The following RBM19 variants were observed in gnomAD, a reference collection of about 807,000 sequenced individuals.
The protein encoded by RBM19 is probable RNA-binding protein 19.
A neutral mutation model predicts 116.8 loss-of-function variants in RBM19; 94 were observed. The ratio of observed to expected loss-of-function variants is 0.80; its 90% CI spans 0.68 to 0.95. RBM19 has a LOEUF of 0.95. Among genes scored for constraint, RBM19 ranks in the 40% least tolerant of loss-of-function variants. The pLI, the probability that RBM19 is intolerant of heterozygous loss-of-function variation, is 0.00. For synonymous variants in RBM19, 475 were observed against 494.1 expected, an observed-to-expected ratio of 0.96 and a Z score of 0.51; for missense variants, 1,161 against 1,220.7, an observed-to-expected ratio of 0.95 and a Z score of 0.73.
intron 21 of RBM19, among the ~76,000 whole-genome samples, chr12:113,900,833 G>A (rs1881640179): frequency 1.3e-5 from 2 of 152,178 alleles, no homozygotes; most frequent in South Asian, 2.1e-4. Flanking sequence ...GATCAAAAAG[G>A]AGAAGAGTCT....
chr12:113,939,366 C>T (rs1593618859), intron 15 of RBM19, among the ~76,000 whole-genome samples: 1 of 152,010 alleles, frequency 6.6e-6, no homozygotes, highest in African/African-American at 2.4e-5. Flanking sequence ...AATTAAAATG[C>T]TAATCCAAAT....
rs60682294 is a variant in RBM19, at chr12:113,872,199, C to T, written c.2559-13303G>A. On this transcript the variant is annotated intron_variant, in intron 21 of 23. Transcript: ENST00000261741. ...GCCGCCCCATCTGGGATGTGAGGAG[C>T]GCCTCTGCCCGGCCGAGACCCTGTC... 4.3e-3 allele frequency among the ~76,000 whole-genome samples: 629 copies of T among 144,624 alleles called. 7 individuals are homozygous for T. The highest frequency in any genetic ancestry group is 0.014 in the African/African-American group (571 of 39,580). The allele number at this position is 144,624 out of a possible 152,430, so 94.9% of individuals were successfully genotyped here.
chr12:113,947,079 T>G (rs1871089217), intron 11 of RBM19, among the ~76,000 whole-genome samples: 2 of 152,218 alleles, frequency 1.3e-5, no homozygotes, highest in South Asian at 4.1e-4. Context: ...AGGAGTATTT[T>G]TTCAGTGCCT....
Position 113,920,490 on chromosome 12 carries a change from G to A in RBM19, c.2385+121C>T, listed in dbSNP as rs2135864492. 1.4e-5 allele frequency: 13 copies of A among 911,720 alleles called. No homozygotes were observed. The South Asian group carries it at 1.9e-4, about 13-fold the overall frequency. The allele number at this position is 911,720 out of a possible 1,614,324, so 56.5% of individuals were successfully genotyped here. ...ACAGTCCCGTAGAGATCTGGGAAAA[G>A]CAATGGGCCCGGTCAAGTGTAGACT... On this transcript the variant is annotated intron_variant, in intron 19 of 23. Transcript: ENST00000261741.
In RBM19 at chr12:113,846,015, C is replaced by T. The variant is rs544611382; in HGVS notation, c.2665-1227G>A. Among the ~76,000 whole-genome samples, 12 of 152,350 alleles carry T rather than the reference C, an allele frequency of 7.9e-5. No individual in the cohort carries two copies. The South Asian group carries it at 2.5e-3, about 32-fold the overall frequency. On this transcript the variant is annotated intron_variant, in intron 22 of 23. Transcript: ENST00000261741. ...TTAACAGCGTCTAGAACAGTATGGG[C>T]ACACCATAATTACTCAATAGATGCT...
rs748188472 is a variant in RBM19 at position 113,966,176 on chromosome 12, C to A, written c.36+16G>T. The A allele has an allele frequency of 6.2e-7, 1 of 1,614,258 alleles. No individual in the cohort carries two copies. ...TGGTCTCATTTCAGATTCCCAAGTC[C>A]TGCCTCTGCACTCACCCCATTCGGG... On this transcript the variant is annotated intron_variant, in intron 1 of 23. Transcript: ENST00000261741.
At chr12:113,906,296 A>G (rs565427481) in intron 21 of RBM19, among the ~76,000 whole-genome samples, 35 of 152,396 alleles carry the variant, frequency 2.3e-4, no homozygotes, top group African/African-American at 8.4e-4. Flanking sequence ...TGAATGGATT[A>G]CAACTGCAAC....
At position 113,823,148 on chromosome 12, in the gene RBM19, T is replaced by C; in HGVS notation, c.*76A>G. 9.6e-7 allele frequency: 1 copy of C among 1,044,914 alleles called. No homozygotes were observed. Among genetic ancestry groups the C allele is most frequent in the Admixed American group, 2.0e-5 (1 of 50,390 alleles). 64.7% of individuals were successfully genotyped at this position (1,044,914 alleles called of 1,614,324 possible). On this transcript the variant is annotated 3_prime_UTR_variant, in exon 24 of 24. Transcript: ENST00000261741. Reference sequence around the variant, plus strand: ...TCCCCGCCCCGCCCCCCAGCCCACATGGTGGTGAGTGCAGAAGCTGGAGCG... The same window carrying C: ...TCCCCGCCCCGCCCCCCAGCCCACACGGTGGTGAGTGCAGAAGCTGGAGCG...
At chr12:113,889,037 A>G (rs1300237009) in intron 21 of RBM19, among the ~76,000 whole-genome samples, 3 of 152,208 alleles carry the variant, frequency 2.0e-5, no homozygotes, top group Non-Finnish European at 4.4e-5. Flanking sequence ...GGCAGAGGAC[A>G]GCCCTCTCCC....
chr12:113,913,354 G>T (rs368278357), intron 21 of RBM19, among the ~76,000 whole-genome samples: 1 of 151,978 alleles, frequency 6.6e-6, no homozygotes, highest in African/African-American at 2.4e-5. Flanking sequence ...CTGATCAGTC[G>T]AGGTTTAGGG....
At chr12:113,874,251 C>A (rs965094329) in intron 21 of RBM19, among the ~76,000 whole-genome samples, 6 of 152,250 alleles carry the variant, frequency 3.9e-5, no homozygotes, top group African/African-American at 1.2e-4. Context: ...TAGGTGCCCA[C>A]TAAAAAGTGT....
At chr12:113,948,728 G>T in intron 10 of RBM19, 105 bp downstream of exon 10, 1 of 1,138,566 alleles carries the variant, frequency 8.8e-7, no homozygotes, top group Non-Finnish European at 1.3e-6. Context: ...TGAGGCAAGA[G>T]ATGTGGAGTC....
At chr12:113,857,668 C>T (rs564496023) in intron 22 of RBM19, among the ~76,000 whole-genome samples, 16 of 152,360 alleles carry the variant, frequency 1.1e-4, no homozygotes, top group East Asian at 7.7e-4. Flanking sequence ...ACAAAACAGG[C>T]ACTTGAGCTC....
chr12:113,960,311 C>T (rs77275285), intron 2 of RBM19, 133 bp from the exon 3 acceptor site: 37,159 of 1,156,044 alleles, frequency 0.032, 1,132 homozygotes, highest in East Asian at 0.11. Flanking sequence ...GTAGATTACA[C>T]GTCACCCCTT....
rs561669772 is a variant in RBM19 at position 113,870,038 on chromosome 12, G to A, written c.2559-11142C>T. ...TGGTACTGGATTTAACTACCCCTGG[G>A]GTTGCCATGAAGATGAAGTTCCAGG... On this transcript the variant is annotated intron_variant, in intron 21 of 23. Coordinates refer to ENST00000261741, the MANE Select transcript of RBM19 (RefSeq NM_016196.4). Among the ~76,000 whole-genome samples the A allele has an allele frequency of 2.0e-5, 3 of 152,302 alleles. No individual in the cohort carries two copies. In the South Asian group the frequency reaches 6.2e-4, roughly 32 times the overall value.
chr12:113,917,788 G>A (rs1882859047), intron 20 of RBM19, among the ~76,000 whole-genome samples: 1 of 152,200 alleles, frequency 6.6e-6, no homozygotes, highest in Non-Finnish European at 1.5e-5. Flanking sequence ...CACTGTTGGA[G>A]GCACGTCGGG....
chr12:113,930,956 G>T (rs1478406900), intron 16 of RBM19, among the ~76,000 whole-genome samples: 1 of 152,084 alleles, frequency 6.6e-6, no homozygotes, highest in African/African-American at 2.4e-5. Context: ...CTATAAAATA[G>T]AGCTTATTAA....
chr12:113,863,569 C>G (rs968527871), intron 21 of RBM19, among the ~76,000 whole-genome samples: 11 of 152,270 alleles, frequency 7.2e-5, no homozygotes, highest in African/African-American at 2.2e-4. Flanking sequence ...GCCTTCTGCT[C>G]CCAGGACATA....
intron 23 of RBM19, among the ~76,000 whole-genome samples, chr12:113,839,033 A>G (rs1358300595): frequency 6.6e-6 from 1 of 152,220 alleles, no homozygotes; most frequent in Non-Finnish European, 1.5e-5. Flanking sequence ...TGTGGCCCAC[A>G]TTCTGCAGAG....
Sources: allele counts gnomAD v4.1 joint callset (sites outside exome capture counted in the v4.1 genomes callset), GRCh38; gene constraint gnomAD v4.1.1; transcripts MANE v1.5; gene names NCBI Gene and HGNC (gene_info 2026-07-23, HGNC 2026-07-21).